The following FAM76B variants were observed in gnomAD, a reference collection of about 807,000 sequenced individuals.
FAM76B encodes the protein family with sequence similarity 76 member B, also known as protein FAM76B.
FAM76B carries 16 observed loss-of-function variants against 51.8 expected under a neutral mutation model. That is an observed-to-expected ratio of 0.31 (90% CI 0.21 to 0.47). FAM76B has a LOEUF of 0.47. Ranked by LOEUF, FAM76B falls within the 20% of genes least tolerant of loss-of-function variation. FAM76B has a pLI of 1.00. For missense variants in FAM76B, 342 were observed against 392.6 expected (o/e 0.87, Z 1.09); for synonymous variants, 166 against 129.5 (o/e 1.28, Z -1.91).
At position 95,783,315 on chromosome 11, in the gene FAM76B, A is replaced by G. The variant is rs973395898; in HGVS notation, c.364-51T>C. On this transcript the variant is annotated intron_variant, in intron 4 of 9. Coordinates refer to ENST00000358780, the MANE Select transcript of FAM76B (RefSeq NM_144664.5). ...ATGTACCCATATAAACTGGCTGTAA[A>G]CGAAACCAGGTAAGATAAACCACTC... 3.2e-6 allele frequency: 5 copies of G among 1,549,790 alleles called. No individual in the cohort carries two copies. In the African/African-American group the frequency reaches 6.8e-5, roughly 21 times the overall value.
chr11:95,782,794 T>C (rs1349790244), intron 5 of FAM76B, among the ~76,000 whole-genome samples: 1 of 152,220 alleles, frequency 6.6e-6, no homozygotes, highest in East Asian at 1.9e-4. Flanking sequence ...TAAGTGTTAA[T>C]TAACTGACGT....
chr11:95,786,394 T>A, intron 3 of FAM76B, 120 bp from the exon 4 acceptor site: 1 of 1,201,186 alleles, frequency 8.3e-7, no homozygotes, highest in Non-Finnish European at 1.1e-6. Flanking sequence ...ATTTGTTTTC[T>A]GTCAAGTTTG....
chr11:95,770,899 T>C lies in FAM76B; in HGVS notation c.*662A>G, dbSNP rs576537281. On this transcript the variant is annotated 3_prime_UTR_variant, in exon 10 of 10. Coordinates refer to ENST00000358780, the MANE Select transcript of FAM76B (RefSeq NM_144664.5). ...GCAAAAAGGCACTTGTAAGTAAAAA[T>C]CTACAGTAGTTTTTACAAAACAGAA... 6.6e-6 allele frequency: 1 copy of C among 151,822 alleles called. No individual in the cohort carries two copies. The highest frequency in any genetic ancestry group is 1.5e-5 in the Non-Finnish European group (1 of 67,406). The allele number at this position is 151,822 out of a possible 1,614,324, so 9.4% of individuals were successfully genotyped here.
chr11:95,783,397 C>T (rs1460848603), intron 4 of FAM76B, 133 bp from the exon 5 acceptor site: 13 of 646,874 alleles, frequency 2.0e-5, no homozygotes, highest in South Asian at 1.4e-4. Flanking sequence ...CACATATTCA[C>T]GGATTTTCTG....
At chr11:95,782,239 G>A (rs1860311920) in intron 5 of FAM76B, among the ~76,000 whole-genome samples, 1 of 152,020 alleles carries the variant, frequency 6.6e-6, no homozygotes. Context: ...CCCCCCACAG[G>A]TCACTTTAAA....
intron 9 of FAM76B, among the ~76,000 whole-genome samples, chr11:95,774,108 G>A (rs1217858978): frequency 6.6e-6 from 1 of 151,334 alleles, no homozygotes; most frequent in Non-Finnish European, 1.5e-5. Flanking sequence ...CAGGGAAGTG[G>A]CCTGATAGGA....
intron 4 of FAM76B, among the ~76,000 whole-genome samples, chr11:95,784,381 C>T (rs1038432448): frequency 9.2e-5 from 14 of 151,916 alleles, no homozygotes; most frequent in Admixed American, 7.9e-4. Context: ...TGCAACAAAC[C>T]TCCATGACAC....
chr11:95,780,543 CT>C (rs1172793112), intron 5 of FAM76B, among the ~76,000 whole-genome samples: 1 of 151,840 alleles, frequency 6.6e-6, no homozygotes, highest in Non-Finnish European at 1.5e-5. Context: ...TGTAATACTC[CT>C]TTTCTATTTT....
chr11:95,776,254 A>G (rs1860002840), intron 8 of FAM76B, among the ~76,000 whole-genome samples: 1 of 151,386 alleles, frequency 6.6e-6, no homozygotes, highest in Non-Finnish European at 1.5e-5. Flanking sequence ...AAAACTTCTC[A>G]GTTTTCTTTT....
At chr11:95,779,449 G>T in intron 7 of FAM76B, 158 bp downstream of exon 7, 1 of 678,020 alleles carries the variant, frequency 1.5e-6, no homozygotes, top group Non-Finnish European at 2.3e-6. Flanking sequence ...CCAAAATTAA[G>T]CTAAAAATTT....
rs1476969582 is a variant in FAM76B at position 95,769,328 on chromosome 11, C to A, written c.*2233G>T. On this transcript the variant is annotated 3_prime_UTR_variant, in exon 10 of 10. Coordinates refer to ENST00000358780, the MANE Select transcript of FAM76B (RefSeq NM_144664.5). ...ACTGAATTACTAATTTATACAATTG[C>A]AAAAAAATTTAAGTTATAAAATAAG... is the stretch of plus-strand genomic sequence containing the variant. 1 of 151,710 alleles carries A rather than the reference C, an allele frequency of 6.6e-6. No individual in the cohort carries two copies. Among genetic ancestry groups the A allele is most frequent in the Non-Finnish European group, 1.5e-5 (1 of 67,682 alleles). 9.4% of individuals were successfully genotyped at this position (151,710 alleles called of 1,614,324 possible).
chr11:95,775,950 G>A lies in FAM76B; in HGVS notation c.902C>T (p.Ala301Val). Residue 301 changes from alanine to valine, a missense_variant, in exon 9 of 10, where the codon GCC becomes GTC. By Grantham distance (64) the Ala-to-Val change is moderately conservative. This residue lies in a region of FAM76B where 230 missense variants were observed against 257.4 expected (regional missense o/e 0.89). Coordinates refer to ENST00000358780, the MANE Select transcript of FAM76B (RefSeq NM_144664.5). ...LRTKMNSMEK[A>V]HKETVEQLQA... ...AAGTTGTTCCACAGTTTCTTTGTGG[G>A]CTTTTTCCATACTGTTCATTTTTGT... The A allele has an allele frequency of 6.3e-7, 1 of 1,586,490 alleles. No individual in the cohort carries two copies. The highest frequency in any genetic ancestry group is 1.2e-5 in the South Asian group (1 of 86,848).
chr11:95,783,955 A>G (rs1860415820), intron 4 of FAM76B, among the ~76,000 whole-genome samples: 1 of 152,220 alleles, frequency 6.6e-6, no homozygotes, highest in African/African-American at 2.4e-5. Flanking sequence ...TTATAGTCCC[A>G]AAGAGTACTG....
chr11:95,783,038 T>C (rs1249288172), intron 5 of FAM76B, 27 bp downstream of exon 5: 2 of 1,609,652 alleles, frequency 1.2e-6, no homozygotes, highest in African/African-American at 1.3e-5. Context: ...GGAAGAGTTT[T>C]AGAAAATATG....
At chr11:95,777,723 A>G (rs2120216586) in intron 8 of FAM76B, among the ~76,000 whole-genome samples, 1 of 151,564 alleles carries the variant, frequency 6.6e-6, no homozygotes, top group South Asian at 2.1e-4. Context: ...AAGCCCACTA[A>G]CCATCAAGGT....
chr11:95,779,470 T>C, intron 7 of FAM76B, 137 bp downstream of exon 7: 1 of 764,820 alleles, frequency 1.3e-6, no homozygotes. Flanking sequence ...TAAACTAATT[T>C]ATGTTTATTC....
chr11:95,773,559 A>C (rs535229510), intron 9 of FAM76B, among the ~76,000 whole-genome samples: 1 of 151,202 alleles, frequency 6.6e-6, no homozygotes, highest in South Asian at 2.1e-4. Context: ...TATCAGGATT[A>C]AGAATTACAT....
intron 4 of FAM76B, 115 bp downstream of exon 4, chr11:95,786,004 G>T: frequency 1.6e-6 from 2 of 1,266,516 alleles, no homozygotes; most frequent in Non-Finnish European, 2.2e-6. Flanking sequence ...CTAACTACTT[G>T]CTTTCATGGA....
Position 95,777,274 on chromosome 11 carries a change from T to C in FAM76B, c.829-1251A>G, listed in dbSNP as rs531600428. 1.3e-4 allele frequency among the ~76,000 whole-genome samples: 20 copies of C among 151,528 alleles called. No homozygotes were observed. In the South Asian group the frequency reaches 4.1e-3, roughly 31 times the overall value. On this transcript the variant is annotated intron_variant, in intron 8 of 9. Transcript: ENST00000358780. Reference sequence around the variant, plus strand: ...TGTATAGTTATTTTAGGTTTACCATTAGGATTTTCCTTACAACAATGCTAA... The same window carrying C: ...TGTATAGTTATTTTAGGTTTACCATCAGGATTTTCCTTACAACAATGCTAA...
Sources: gnomAD v4.1 joint callset for allele counts (sites outside exome capture counted in the v4.1 genomes callset) on GRCh38, gnomAD v4.1.1 for gene constraint, gnomAD v4.1.1 regional missense constraint, MANE v1.5 for transcripts, NCBI Gene and HGNC (gene_info 2026-07-23, HGNC 2026-07-21) for gene names.